RIMS2: variants seen among roughly 807,000 people sequenced by gnomAD.
RIMS2 encodes the protein regulating synaptic membrane exocytosis protein 2.
In RIMS2, 59 loss-of-function variants were observed where a neutral mutation model predicts 174.4. The observed-to-expected ratio is 0.34, with a 90% CI of 0.27 to 0.42. RIMS2 has a LOEUF of 0.42. Among genes scored for constraint, RIMS2 ranks in the 10% least tolerant of loss-of-function variants. The pLI is 1.00. For missense variants in RIMS2, 1,620 were observed against 1,666.3 expected (o/e 0.97, Z 0.48); for synonymous variants, 606 against 572.5 (o/e 1.06, Z -0.84).
At chr8:104,074,965 T>C (rs1746209216) in intron 19 of RIMS2, among the ~76,000 whole-genome samples, 1 of 152,088 alleles carries the variant, frequency 6.6e-6, no homozygotes, top group Non-Finnish European at 1.5e-5. Flanking sequence ...AGAAGAAACA[T>C]GACAATACAT....
intron 3 of RIMS2, among the ~76,000 whole-genome samples, chr8:103,829,069 T>C (rs918274164): frequency 6.7e-6 from 1 of 148,218 alleles, no homozygotes; most frequent in Non-Finnish European, 1.5e-5. Flanking sequence ...TTTGGTTCTA[T>C]GTGAATTTAA....
chr8:103,696,844 C>A (rs2097107350), intron 1 of RIMS2, among the ~76,000 whole-genome samples: 1 of 110,056 alleles, frequency 9.1e-6, no homozygotes, highest in Non-Finnish European at 1.7e-5. Context: ...GCCTGGGTAA[C>A]AGAGCGAGAC....
chr8:103,965,455 T>A (rs1308354971), intron 15 of RIMS2, among the ~76,000 whole-genome samples: 85 of 152,306 alleles, frequency 5.6e-4, no homozygotes, highest in Non-Finnish European at 2.9e-5. Context: ...TGTTGATATA[T>A]GGGAAAGTTA....
chr8:103,601,942 G>C (rs905035893), intron 1 of RIMS2, among the ~76,000 whole-genome samples: 3 of 151,684 alleles, frequency 2.0e-5, no homozygotes, highest in Non-Finnish European at 4.4e-5. Context: ...AAAAATTCTA[G>C]CCTTTAACTT....
intron 3 of RIMS2, among the ~76,000 whole-genome samples, chr8:103,817,560 C>A (rs1367209966): frequency 6.6e-6 from 1 of 152,188 alleles, no homozygotes; most frequent in African/African-American, 2.4e-5. Flanking sequence ...CTGGGTGGAT[C>A]ACTTGCGGTC....
intron 3 of RIMS2, among the ~76,000 whole-genome samples, chr8:103,874,914 T>G (rs576604744): frequency 1.3e-4 from 20 of 152,196 alleles, no homozygotes; most frequent in African/African-American, 4.6e-4. Context: ...TGCATCTGCT[T>G]CCTCATCTTA....
At chr8:103,777,232 T>G (rs1014445226) in intron 3 of RIMS2, among the ~76,000 whole-genome samples, 2 of 151,640 alleles carry the variant, frequency 1.3e-5, no homozygotes, top group Non-Finnish European at 1.5e-5. Flanking sequence ...GAAAGAATTA[T>G]AAGAAAAAAG....
chr8:103,788,978 C>T (rs1249513722), intron 3 of RIMS2, among the ~76,000 whole-genome samples: 1 of 152,214 alleles, frequency 6.6e-6, no homozygotes, highest in Non-Finnish European at 1.5e-5. Context: ...TCGTGGTGCG[C>T]CGTTTTTTAA....
At chr8:103,916,256 C>A (rs550222985) in intron 7 of RIMS2, among the ~76,000 whole-genome samples, 158 bp from the exon 11 acceptor site, 3 of 152,096 alleles carry the variant, frequency 2.0e-5, no homozygotes, top group South Asian at 2.1e-4. Flanking sequence ...ACATGGTCAT[C>A]AAATTTTGTG....
chr8:104,074,158 A>T (rs1377959146), intron 19 of RIMS2, among the ~76,000 whole-genome samples: 1 of 152,194 alleles, frequency 6.6e-6, no homozygotes, highest in African/African-American at 2.4e-5. Context: ...ACAAGTGGTC[A>T]TATATGAGCT....
At chr8:104,180,645 T>C (rs1461963064) in intron 19 of RIMS2, among the ~76,000 whole-genome samples, 3 of 151,740 alleles carry the variant, frequency 2.0e-5, no homozygotes, top group Non-Finnish European at 4.4e-5. Context: ...GTACTGTTGC[T>C]TTGTAGTTCT....
intron 3 of RIMS2, among the ~76,000 whole-genome samples, chr8:103,793,436 T>C (rs1029238482): frequency 2.6e-5 from 4 of 152,116 alleles, no homozygotes; most frequent in Non-Finnish European, 5.9e-5. Context: ...TATCTCAAAA[T>C]AATAAGAGCT....
At chr8:103,864,765 A>G (rs2099076497) in intron 3 of RIMS2, among the ~76,000 whole-genome samples, 1 of 152,340 alleles carries the variant, frequency 6.6e-6, no homozygotes, top group African/African-American at 2.4e-5. Flanking sequence ...AAGTCATACA[A>G]CTAACAGTCA....
chr8:103,504,741 T>C (rs1822446061), intron 1 of RIMS2, among the ~76,000 whole-genome samples: 1 of 151,938 alleles, frequency 6.6e-6, no homozygotes, highest in Admixed American at 6.6e-5. Context: ...TAGTGAGCAG[T>C]TCTCTATTTT....
At chr8:103,715,419 G>A (rs2097356187) in intron 2 of RIMS2, among the ~76,000 whole-genome samples, 1 of 151,920 alleles carries the variant, frequency 6.6e-6, no homozygotes, top group African/African-American at 2.4e-5. Context: ...CCAAAATGTG[G>A]GATTTTAATA....
At chr8:104,010,775 CTGGCTTTTTCAGTGGCTTACCCTT>C (rs1182443000) in intron 17 of RIMS2, among the ~76,000 whole-genome samples, 2 of 152,130 alleles carry the variant, frequency 1.3e-5, no homozygotes, top group Non-Finnish European at 2.9e-5. Flanking sequence ...TGAGGGGGCC[CTGGCTTTTTCAGTGGCTTACCCTT>C]TGGTAATCTG....
chr8:103,921,612 C>T, intron 9 of RIMS2, 60 bp from the exon 13 acceptor site: 2 of 782,930 alleles, frequency 2.6e-6, no homozygotes, highest in Admixed American at 3.5e-5. Context: ...TATGGCAAAA[C>T]TTACTAAATA....
In RIMS2 at chr8:103,852,383, A is replaced by T. The variant is rs1486743851; in HGVS notation, c.699-32915A>T. 4.0e-5 allele frequency among the ~76,000 whole-genome samples: 6 copies of T among 151,806 alleles called. No individual in the cohort carries two copies. The South Asian group carries it at 1.3e-3, about 32-fold the overall frequency. The stretch of plus-strand genomic sequence containing the variant: ...CTAAGATCATAGGTAGTATTACAGT[A>T]GAATTAAATTTTGTAGTTACAAAGC... On this transcript the variant is annotated intron_variant, in intron 3 of 23. Transcript: ENST00000504942.
At chr8:103,881,071 TAAC>T (rs2099165161) in intron 3 of RIMS2, among the ~76,000 whole-genome samples, 1 of 151,448 alleles carries the variant, frequency 6.6e-6, no homozygotes, top group Admixed American at 6.6e-5. Context: ...ATTTATAAAG[TAAC>T]AATTTTTTAA....
Sources: gnomAD v4.1 joint callset for allele counts (sites outside exome capture counted in the v4.1 genomes callset) on GRCh38, gnomAD v4.1.1 for gene constraint, MANE v1.5 for transcripts, NCBI Gene and HGNC (gene_info 2026-07-23, HGNC 2026-07-21) for gene names.